Variants in SLC24A3 observed in about 807,000 individuals in gnomAD.
The protein encoded by SLC24A3 is solute carrier family 24 member 3.
In SLC24A3, 28 loss-of-function variants were observed where a neutral mutation model predicts 75.8. The observed-to-expected ratio is 0.37, with a 90% CI of 0.27 to 0.51. SLC24A3 has a LOEUF of 0.51. Ranked by LOEUF, SLC24A3 falls within the 20% of genes least tolerant of loss-of-function variation. The pLI is 0.94. For missense variants in SLC24A3, 663 were observed against 847.8 expected (o/e 0.78, Z 2.71); for synonymous variants, 372 against 334.1 (o/e 1.11, Z -1.24).
Position 19,495,075 on chromosome 20 carries a change from A to G in SLC24A3, c.272-20413A>G, listed in dbSNP as rs376064967. ...CCACAGAGCTGTCCTGCCTTGAGGCAGGAGCTGGCCTTTGTACCCTAGTGT... is the reference window on the plus strand; with the variant it reads ...CCACAGAGCTGTCCTGCCTTGAGGCGGGAGCTGGCCTTTGTACCCTAGTGT... On this transcript the variant is annotated intron_variant, in intron 2 of 16. Coordinates refer to ENST00000328041, the MANE Select transcript of SLC24A3 (RefSeq NM_020689.4). Among the ~76,000 whole-genome samples the G allele has an allele frequency of 5.3e-5, 8 of 152,318 alleles. No homozygotes were observed. In the East Asian group the frequency reaches 1.5e-3, roughly 30 times the overall value.
intron 3 of SLC24A3, among the ~76,000 whole-genome samples, chr20:19,577,579 T>C (rs553041490): frequency 1.1e-4 from 17 of 152,204 alleles, no homozygotes; most frequent in Middle Eastern, 3.2e-3. Flanking sequence ...AATATAGTTA[T>C]GGATTATAAA....
intron 3 of SLC24A3, among the ~76,000 whole-genome samples, chr20:19,516,932 G>T (rs1039814836): frequency 2.0e-5 from 3 of 152,154 alleles, no homozygotes; most frequent in Admixed American, 6.5e-5. Flanking sequence ...TGTCACTTCT[G>T]GGAGGACACT....
chr20:19,378,233 C>T (rs1370659261), intron 2 of SLC24A3, among the ~76,000 whole-genome samples: 3 of 151,668 alleles, frequency 2.0e-5, no homozygotes, highest in Non-Finnish European at 2.9e-5. Context: ...ACTGGGCATG[C>T]GTGCTGTCAC....
At chr20:19,295,247 A>C (rs529398972) in intron 2 of SLC24A3, among the ~76,000 whole-genome samples, 41 of 152,322 alleles carry the variant, frequency 2.7e-4, no homozygotes, top group African/African-American at 9.4e-4. Flanking sequence ...TTGTCAGCTT[A>C]AGAAGCTTTT....
chr20:19,714,684 A>AGGTGAGAAG lies in SLC24A3; in HGVS notation c.1720-2843_1720-2835dup, dbSNP rs1365518026. Among the ~76,000 whole-genome samples, 42 of 152,320 alleles carry AGGTGAGAAG rather than the reference A, an allele frequency of 2.8e-4. No homozygotes were observed. The South Asian group carries it at 3.5e-3, about 13-fold the overall frequency. ...GACCAAAGGAAGGCCATAGAGAAAAAGGTGAGAAGTTAAAAACACAGCAAC... is the reference window on the plus strand; with the variant it reads ...GACCAAAGGAAGGCCATAGAGAAAAAGGTGAGAAGGGTGAGAAGTTAAAAACACAGCAAC... On this transcript the variant is annotated intron_variant, in intron 15 of 16. Coordinates refer to ENST00000328041, the MANE Select transcript of SLC24A3 (RefSeq NM_020689.4).
intron 2 of SLC24A3, among the ~76,000 whole-genome samples, chr20:19,370,739 C>T (rs1459915167): frequency 6.6e-6 from 1 of 152,164 alleles, no homozygotes; most frequent in African/African-American, 2.4e-5. Context: ...GAGGTTTGAG[C>T]ACATTGTCAG....
At chr20:19,294,083 A>G (rs1299149682) in intron 2 of SLC24A3, among the ~76,000 whole-genome samples, 1 of 152,130 alleles carries the variant, frequency 6.6e-6, no homozygotes, top group Non-Finnish European at 1.5e-5. Context: ...ACATCACTTC[A>G]TTTACGTGGA....
chr20:19,515,437 C>G, intron 2 of SLC24A3, 51 bp from the exon 3 acceptor site: 1 of 1,578,910 alleles, frequency 6.3e-7, no homozygotes, highest in Non-Finnish European at 8.7e-7. Flanking sequence ...ACCTACAGCA[C>G]TGAAAATGTG....
At chr20:19,670,070 C>T (rs1266188474) in intron 8 of SLC24A3, among the ~76,000 whole-genome samples, 1 of 152,140 alleles carries the variant, frequency 6.6e-6, no homozygotes, top group African/African-American at 2.4e-5. Context: ...TTCCTAAGCA[C>T]CTCCTCTACG....
intron 16 of SLC24A3, among the ~76,000 whole-genome samples, chr20:19,718,310 C>T (rs1477876031): frequency 3.3e-5 from 5 of 152,200 alleles, no homozygotes; most frequent in Non-Finnish European, 2.9e-5. Context: ...GTCAAGATTT[C>T]ACCAAAGCTA....
At chr20:19,431,728 A>G (rs1395376197) in intron 2 of SLC24A3, among the ~76,000 whole-genome samples, 2 of 152,182 alleles carry the variant, frequency 1.3e-5, no homozygotes, top group African/African-American at 4.8e-5. Flanking sequence ...CTTCAAAAAA[A>G]AAAAGGTAAA....
chr20:19,473,165 C>T (rs537322606), intron 2 of SLC24A3, among the ~76,000 whole-genome samples: 12 of 152,318 alleles, frequency 7.9e-5, no homozygotes, highest in African/African-American at 2.2e-4. Flanking sequence ...TCCTGAGACT[C>T]GGAGGTTTAG....
At chr20:19,650,952 T>A (rs2032195868) in intron 6 of SLC24A3, among the ~76,000 whole-genome samples, 1 of 152,170 alleles carries the variant, frequency 6.6e-6, no homozygotes, top group Non-Finnish European at 1.5e-5. Flanking sequence ...GTCTTCTGAG[T>A]CACTCCAGTC....
intron 3 of SLC24A3, among the ~76,000 whole-genome samples, chr20:19,569,570 C>G (rs1034507658): frequency 6.6e-6 from 1 of 152,166 alleles, no homozygotes; most frequent in Non-Finnish European, 1.5e-5. Flanking sequence ...CTCTAACGAC[C>G]TTAGCCCCAG....
chr20:19,696,734 GA>G (rs2032810733), intron 13 of SLC24A3, 62 bp from the exon 14 acceptor site: 1 of 1,122,520 alleles, frequency 8.9e-7, no homozygotes. Flanking sequence ...TCCATCAGAA[GA>G]ATCATGGGCA....
chr20:19,478,817 G>A (rs1988004046), intron 2 of SLC24A3, among the ~76,000 whole-genome samples: 1 of 152,192 alleles, frequency 6.6e-6, no homozygotes, highest in African/African-American at 2.4e-5. Context: ...TGCACTTTGA[G>A]GACAGGAGTT....
intron 1 of SLC24A3, among the ~76,000 whole-genome samples, chr20:19,276,992 AC>A (rs1431768844): frequency 6.6e-6 from 1 of 152,184 alleles, no homozygotes; most frequent in Non-Finnish European, 1.5e-5. Flanking sequence ...TGAGGAAACA[AC>A]CATCTTTGAA....
At chr20:19,656,499 T>C (rs539127147) in intron 7 of SLC24A3, among the ~76,000 whole-genome samples, 2 of 152,356 alleles carry the variant, frequency 1.3e-5, no homozygotes, top group East Asian at 3.9e-4. Flanking sequence ...ACCCAAGGAC[T>C]CTTCCCAGGC....
chr20:19,311,934 C>T (rs1984468169), intron 2 of SLC24A3, among the ~76,000 whole-genome samples: 1 of 152,050 alleles, frequency 6.6e-6, no homozygotes, highest in African/African-American at 2.4e-5. Flanking sequence ...GTTTCCTTCC[C>T]ATGCGCCCTT....
Sources: gnomAD v4.1 joint callset for allele counts (sites outside exome capture counted in the v4.1 genomes callset) on GRCh38, gnomAD v4.1.1 for gene constraint, MANE v1.5 for transcripts, NCBI Gene and HGNC (gene_info 2026-07-23, HGNC 2026-07-21) for gene names.